SPEN: variants seen among roughly 807,000 people sequenced by gnomAD.
SPEN encodes spen family transcriptional repressor, also known as msx2-interacting protein.
Under a neutral mutation model 269.9 loss-of-function variants are expected in SPEN, and 18 were observed. That is an observed-to-expected ratio of 0.07 (90% confidence interval 0.05 to 0.10). The LOEUF (loss-of-function observed/expected upper bound fraction) is 0.10. Among genes scored for constraint, SPEN ranks in the 10% least tolerant of loss-of-function variants. The probability of loss-of-function intolerance (pLI) is 1.00; values close to 1 mark genes in which losing one functional copy is unlikely to be tolerated. For missense variants in SPEN, 3,822 were observed against 4,631.2 expected (o/e 0.83, Z 5.07); for synonymous variants, 1,726 against 1,765.7 (o/e 0.98, Z 0.56).
Position 15,938,862 on chromosome 1 carries a change from C to G in SPEN, c.10849C>G (p.Pro3617Ala). Residue 3617 changes from proline (P) to alanine (A), a missense_variant, in exon 14 of 15, where the codon CCT becomes GCT. Physicochemically the swap from Pro to Ala is conservative, Grantham distance 27. Around this residue, in one of 16 missense-constraint regions of SPEN, gnomAD observed 103 missense variants for 215.8 expected, o/e 0.48. Transcript: ENST00000375759. ...QAAGIINVPN[P>A]GSNQPAYVLQ... is the part of the protein sequence containing the mutation. Reference sequence around the variant, plus strand: ...GGCAGGGATCATCAACGTTCCCAACCCTGGCTCCAATCAGGTCGGTTGTCC... The same window carrying G: ...GGCAGGGATCATCAACGTTCCCAACGCTGGCTCCAATCAGGTCGGTTGTCC... 1 of 1,613,800 alleles carries G rather than the reference C, an allele frequency of 6.2e-7. No individual in the cohort carries two copies.
intron 1 of SPEN, among the ~76,000 whole-genome samples, chr1:15,861,827 G>C (rs2070451995): frequency 6.6e-6 from 1 of 152,198 alleles, no homozygotes; most frequent in South Asian, 2.1e-4. Flanking sequence ...GGATCACAAG[G>C]TCAGGAGTTT....
chr1:15,861,379 CT>C (rs946665313), intron 1 of SPEN, among the ~76,000 whole-genome samples: 29 of 152,078 alleles, frequency 1.9e-4, no homozygotes, highest in African/African-American at 6.5e-4. Flanking sequence ...ATCCACCTAC[CT>C]CGGCTTCCCA....
chr1:15,916,818 A>G (rs539581888), intron 6 of SPEN, among the ~76,000 whole-genome samples: 1 of 152,142 alleles, frequency 6.6e-6, no homozygotes, highest in South Asian at 2.1e-4. Flanking sequence ...TCTGGAAGAG[A>G]AAAATGTTTG....
intron 14 of SPEN, 55 bp downstream of exon 14, chr1:15,938,931 G>A: frequency 2.5e-5 from 39 of 1,574,388 alleles, no homozygotes; most frequent in Non-Finnish European, 3.4e-5. Flanking sequence ...GGGCTGATCA[G>A]GGTAGGTGGG....
chr1:15,873,209 G>T, intron 2 of SPEN, 73 bp downstream of exon 2: 2 of 1,480,378 alleles, frequency 1.4e-6, no homozygotes. Flanking sequence ...ATATTTAGGG[G>T]CCCCAGATGG....
rs1310871726 is a variant in SPEN at position 15,872,900 on chromosome 1, C to T, written c.168C>T (p.Ile56=). ...GVAAFVDFVD[I]KSAQKAHNSV... ...CTGCCTTTGTGGATTTTGTGGACAT[C>T]AAAAGTGCACAGAAAGCTCACAACT... The change falls in exon 2 of 15, where the codon ATC becomes ATT. Residue 56 remains isoleucine (I), a synonymous_variant. Coordinates refer to ENST00000375759, the MANE Select transcript of SPEN (RefSeq NM_015001.3). The T allele has an allele frequency of 1.9e-6, 3 of 1,584,274 alleles. No homozygotes were observed. In the African/African-American group the frequency reaches 4.0e-5, roughly 21 times the overall value.
In SPEN at chr1:15,911,268, A is replaced by G. The variant is rs1227508305; in HGVS notation, c.1210A>G (p.Met404Val). Residue 404 changes from methionine to valine, a missense_variant, in exon 5 of 15, where the codon ATG (methionine) becomes GTG (valine). By Grantham distance (21) the Met-to-Val change is conservative (BLOSUM62 1). Around this residue, in one of 16 missense-constraint regions of SPEN, gnomAD observed 230 missense variants for 426.1 expected, o/e 0.54. Coordinates refer to ENST00000375759, the MANE Select transcript of SPEN (RefSeq NM_015001.3). ...TASKGKLFFG[M>V]QIEVTAWIGP... ...ATCAAAAGGAAAACTTTTCTTTGGC[A>G]TGCAGATTGAAGTAACAGCATGGAT... is the stretch of plus-strand genomic sequence containing the variant. 4 of 1,614,028 alleles carry G rather than the reference A, an allele frequency of 2.5e-6. No individual in the cohort carries two copies. The highest frequency in any genetic ancestry group is 3.4e-6 in the Non-Finnish European group (4 of 1,180,008).
At chr1:15,867,707 A>G (rs1464409657) in intron 1 of SPEN, among the ~76,000 whole-genome samples, 1 of 141,518 alleles carries the variant, frequency 7.1e-6, no homozygotes, top group East Asian at 2.1e-4. Flanking sequence ...ATTAGTTGTC[A>G]TTGCCTTTTT....
At chr1:15,922,680 T>C (rs551206712) in intron 10 of SPEN, among the ~76,000 whole-genome samples, 1 of 152,124 alleles carries the variant, frequency 6.6e-6, no homozygotes, top group Non-Finnish European at 1.5e-5. Flanking sequence ...TGGAGTGCAG[T>C]GGCATGATCA....
In SPEN at chr1:15,911,304, A is replaced by G. The variant is rs759910466; in HGVS notation, c.1243+3A>G. 11 of 1,613,576 alleles carry G rather than the reference A, an allele frequency of 6.8e-6. No homozygotes were observed. The Admixed American group carries it at 1.3e-4, about 20-fold the overall frequency. ...AGTAACAGCATGGATAGGTCCAGGT[A>G]AGACACAAGCAAGCTGAGTTTGAGT... On this transcript the variant is annotated splice_donor_region_variant and intron_variant, in intron 5 of 14. Coordinates refer to ENST00000375759, the MANE Select transcript of SPEN (RefSeq NM_015001.3).
chr1:15,930,728 A>G lies in SPEN; in HGVS notation c.4488A>G (p.Lys1496=). The G allele has an allele frequency of 1.2e-6, 2 of 1,613,802 alleles. No homozygotes were observed. The change falls in exon 11 of 15, where the codon AAA becomes AAG. Residue 1496 remains lysine, a synonymous_variant. Coordinates refer to ENST00000375759, the MANE Select transcript of SPEN (RefSeq NM_015001.3). This position sits in a 1 kb window ranked among gnomAD's most constrained non-coding sequence, Gnocchi z 5.3. ...APRPIPSWYM[K]KKKIRTDSEG... Reference sequence around the variant, plus strand: ...GACCTATTCCATCCTGGTACATGAAAAAGAAGAAAATTAGGACTGATTCAG... The same window carrying G: ...GACCTATTCCATCCTGGTACATGAAGAAGAAGAAAATTAGGACTGATTCAG...
At chr1:15,874,520 C>A in intron 2 of SPEN, 1 of 647,854 alleles carries the variant, frequency 1.5e-6, no homozygotes, top group South Asian at 2.3e-5. Flanking sequence ...CATTAGATTT[C>A]AGCTCTGCTA....
chr1:15,873,115 G>A lies in SPEN; in HGVS notation c.383G>A (p.Arg128His), dbSNP rs1405372960. The A allele has an allele frequency of 6.2e-7, 1 of 1,612,062 alleles. No homozygotes were observed. Among genetic ancestry groups the A allele is most frequent in the East Asian group, 2.2e-5 (1 of 44,838 alleles). Residue 128 changes from arginine (R) to histidine (H), a missense_variant, in exon 2 of 15, where the codon CGT (arginine) becomes CAT (histidine). Arg to His is a conservative substitution (Grantham distance 29, BLOSUM62 0). Around this residue, in one of 16 missense-constraint regions of SPEN, gnomAD observed 327 missense variants for 350.8 expected, o/e 0.93. Coordinates refer to ENST00000375759, the MANE Select transcript of SPEN (RefSeq NM_015001.3). ...CCGTCACTTCATGCACGAGAAGGACGTTATGAGCGGAGACTTGATGGGTAA... is the reference window on the plus strand; with the variant it reads ...CCGTCACTTCATGCACGAGAAGGACATTATGAGCGGAGACTTGATGGGTAA... ...PPPSLHAREG[R>H]YERRLDGASD... is the part of the protein sequence containing the mutation.
At position 15,935,624 on chromosome 1, in the gene SPEN, A is replaced by G. The variant is rs771075624; in HGVS notation, c.9384A>G (p.Gln3128=). ...CTCGGGCTCCGCTGCAGCCCCAGCA[A>G]ATAGAGGTCAGGGCCCCACAGCGTG... The part of the protein sequence containing the change: ...HSPRAPLQPQ[Q]IEVRAPQRAS... Residue 3128 remains glutamine, a synonymous_variant, in exon 11 of 15, where the codon CAA becomes CAG. Coordinates refer to ENST00000375759, the MANE Select transcript of SPEN (RefSeq NM_015001.3). The surrounding 1 kb of genome is among the most constrained non-coding windows in gnomAD (Gnocchi z 7.7). The G allele has an allele frequency of 6.2e-7, 1 of 1,614,064 alleles. No individual in the cohort carries two copies. Among genetic ancestry groups the G allele is most frequent in the Admixed American group, 1.7e-5 (1 of 60,020 alleles).
rs1349145531 is a variant in SPEN at position 15,848,774 on chromosome 1, G to A, written c.83+624G>A. On this transcript the variant is annotated intron_variant, in intron 1 of 14. Transcript: ENST00000375759. This position sits in a 1 kb window ranked among gnomAD's most constrained non-coding sequence, Gnocchi z 5.1. Reference sequence around the variant, plus strand: ...AAACGTTTCTCGTTTTTGCGGGGCTGGGTGGAGAGTGGTGTGAAATAAGTT... The same window carrying A: ...AAACGTTTCTCGTTTTTGCGGGGCTAGGTGGAGAGTGGTGTGAAATAAGTT... Among the ~76,000 whole-genome samples, 2 of 152,150 alleles carry A rather than the reference G, an allele frequency of 1.3e-5. No individual in the cohort carries two copies. Among genetic ancestry groups the A allele is most frequent in the Non-Finnish European group, 2.9e-5 (2 of 68,028 alleles).
intron 1 of SPEN, among the ~76,000 whole-genome samples, chr1:15,860,924 T>G (rs1293040483): frequency 6.6e-6 from 1 of 150,382 alleles, no homozygotes; most frequent in Non-Finnish European, 1.5e-5. Context: ...GTTTTGTTTC[T>G]GAGACAGTCT....
At chr1:15,894,834 AT>A (rs756644666) in intron 3 of SPEN, among the ~76,000 whole-genome samples, 4 of 151,694 alleles carry the variant, frequency 2.6e-5, no homozygotes, top group Non-Finnish European at 5.9e-5. Context: ...CGCCCGGCCC[AT>A]ATTGTATTTT....
At chr1:15,868,272 T>C (rs1374577645) in intron 1 of SPEN, among the ~76,000 whole-genome samples, 1 of 151,516 alleles carries the variant, frequency 6.6e-6, no homozygotes, top group Non-Finnish European at 1.5e-5. Context: ...CTCCCAAAGC[T>C]TTGGGATTAC....
intron 3 of SPEN, among the ~76,000 whole-genome samples, chr1:15,904,458 A>C (rs1192160809): frequency 2.6e-3 from 305 of 118,278 alleles, no homozygotes; most frequent in Middle Eastern, 8.1e-3. Context: ...ATCTCAAAAA[A>C]AAAAAAAAAA....
Sources: allele counts gnomAD v4.1 joint callset (sites outside exome capture counted in the v4.1 genomes callset), GRCh38; gene constraint gnomAD v4.1.1; regional missense constraint gnomAD v4.1.1; non-coding constraint Gnocchi (gnomAD v3.1); transcripts MANE v1.5; gene names NCBI Gene and HGNC (gene_info 2026-07-23, HGNC 2026-07-21).